HYDIN: variants seen among roughly 807,000 people sequenced by gnomAD.
HYDIN encodes HYDIN axonemal central pair apparatus protein.
In HYDIN, 132 loss-of-function variants were observed where a neutral mutation model predicts 403.9. That is an observed-to-expected ratio of 0.33 (90% CI 0.28 to 0.38). The LOEUF (loss-of-function observed/expected upper bound fraction) is 0.38, where lower values mean the gene tolerates loss of function less well. Among genes scored for constraint, HYDIN ranks in the 10% least tolerant of loss-of-function variants. The pLI, the probability that HYDIN is intolerant of heterozygous loss-of-function variation, is 1.00. For missense variants in HYDIN, 2,827 were observed against 5,009.5 expected, an observed-to-expected ratio of 0.56 and a Z score of 13.15; for synonymous variants, 1,202 against 1,891.7, an observed-to-expected ratio of 0.64 and a Z score of 9.46.
rs1424074297 is a variant in HYDIN at position 70,809,930 on chromosome 16, C to T, written c.14736G>A (p.Leu4912=). 1 of 1,614,032 alleles carries T rather than the reference C, an allele frequency of 6.2e-7. No individual in the cohort carries two copies. The highest frequency in any genetic ancestry group is 1.3e-5 in the African/African-American group (1 of 74,906). ...FGRLTLHNTD[L]GYYQYELYLK... ...GATAGAGCTCATATTGGTAGTAACC[C>T]AAGTCAGTGTTGTGCAAAGTTAGTC... The change falls in exon 85 of 86, where the codon TTG becomes TTA. Residue 4912 remains leucine, a synonymous_variant. Coordinates refer to ENST00000393567, the MANE Select transcript of HYDIN (RefSeq NM_001270974.2).
At chr16:71,011,287 C>T (rs1157657952) in intron 23 of HYDIN, among the ~76,000 whole-genome samples, 2 of 152,258 alleles carry the variant, frequency 1.3e-5, no homozygotes, top group East Asian at 3.9e-4. Flanking sequence ...TACCATTTTA[C>T]AGGTAAGTCA....
rs2079388606 is a variant in HYDIN, at chr16:70,992,448, G to A, written c.3645-238C>T. Among the ~76,000 whole-genome samples the A allele has an allele frequency of 2.1e-5, 3 of 141,460 alleles. No individual in the cohort carries two copies. In the South Asian group the frequency reaches 7.2e-4, roughly 34 times the overall value. The allele number at this position is 141,460 out of a possible 152,430, so 92.8% of individuals were successfully genotyped here. Reference sequence around the variant, plus strand: ...TAGGCCCAACTTCTTTCCTCTGAGTGTCCATAGCCCCCTGGGCTTCCCCTT... The same window carrying A: ...TAGGCCCAACTTCTTTCCTCTGAGTATCCATAGCCCCCTGGGCTTCCCCTT... On this transcript the variant is annotated intron_variant, in intron 23 of 85. Coordinates refer to ENST00000393567, the MANE Select transcript of HYDIN (RefSeq NM_001270974.2).
At chr16:71,070,871 C>T (rs2082446324) in intron 13 of HYDIN, among the ~76,000 whole-genome samples, 1 of 139,400 alleles carries the variant, frequency 7.2e-6, no homozygotes, top group African/African-American at 2.8e-5. Context: ...TTTGTCTACA[C>T]ATTAGGCCAT....
At chr16:70,999,160 G>A (rs1218015434) in intron 23 of HYDIN, among the ~76,000 whole-genome samples, 1 of 152,176 alleles carries the variant, frequency 6.6e-6, no homozygotes, top group Non-Finnish European at 1.5e-5. Context: ...CTAGAACAGT[G>A]GTTCTCAGTG....
In HYDIN at chr16:70,849,837, C is replaced by T. The variant is rs1350381999; in HGVS notation, c.12762G>A (p.Leu4254=). The T allele has an allele frequency of 3.7e-6, 3 of 802,886 alleles. No homozygotes were observed. The highest frequency in any genetic ancestry group is 2.7e-5 in the East Asian group (1 of 37,458). 49.7% of individuals were successfully genotyped at this position (802,886 alleles called of 1,614,324 possible). A position where few individuals can be genotyped will look rare whatever the true frequency, so the allele number is the denominator to read the frequency against. Residue 4254 remains leucine (L), a synonymous_variant, in exon 75 of 86, where the codon TTG becomes TTA. Transcript: ENST00000393567. ...LCGSKTLLQY[L]EFSPIDSTVD... The stretch of plus-strand genomic sequence containing the variant: ...CAGTGCTGTCGATGGGTGAAAATTC[C>T]AAGTACTGCAGCAAGGTTTTGGAGC...
chr16:70,817,624 C>G (rs1207663754), intron 84 of HYDIN: 2 of 152,300 alleles, frequency 1.3e-5, no homozygotes, highest in African/African-American at 4.8e-5. Context: ...CCATGCACTC[C>G]TAACCACTGT....
At chr16:70,838,537 G>T (rs1044254474) in intron 76 of HYDIN, among the ~76,000 whole-genome samples, 3 of 152,164 alleles carry the variant, frequency 2.0e-5, no homozygotes, top group African/African-American at 7.2e-5. Context: ...CGAGGGTTTT[G>T]TACCCTCTCA....
Position 70,933,097 on chromosome 16 carries a change from A to G in HYDIN, c.7158+2855T>C, listed in dbSNP as rs566843572. Among the ~76,000 whole-genome samples the G allele has an allele frequency of 8.4e-4, 128 of 151,880 alleles. 1 individual carries two copies. Among genetic ancestry groups the G allele is most frequent in the African/African-American group, 2.9e-3 (119 of 41,420 alleles). On this transcript the variant is annotated intron_variant, in intron 45 of 85. Coordinates refer to ENST00000393567, the MANE Select transcript of HYDIN (RefSeq NM_001270974.2). ...TCCCCATCCTGTTTCCAGAACCAGA[A>G]AACCAGGGGGTGTGATGATGGAATT...
intron 40 of HYDIN, among the ~76,000 whole-genome samples, chr16:70,952,923 T>C (rs1288936820): frequency 1.3e-5 from 2 of 151,744 alleles, no homozygotes; most frequent in Non-Finnish European, 2.9e-5. Context: ...AGGGTTCCCA[T>C]GGGTGCTGTA....
chr16:70,807,072 G>A lies in HYDIN; in HGVS notation c.*508C>T, dbSNP rs937942210. Among the ~76,000 whole-genome samples the A allele has an allele frequency of 2.6e-5, 4 of 152,156 alleles. No individual in the cohort carries two copies. The highest frequency in any genetic ancestry group is 9.7e-5 in the African/African-American group (4 of 41,428). On this transcript the variant is annotated 3_prime_UTR_variant, in exon 86 of 86. Transcript: ENST00000393567. ...GAGAAAAAGTGATGGGAGTGTCCCT[G>A]GATTGCCCTAATGTTATCTGCTCAT...
chr16:71,202,913 T>C (rs1219516185), intron 1 of HYDIN, among the ~76,000 whole-genome samples: 8 of 152,192 alleles, frequency 5.3e-5, no homozygotes, highest in Non-Finnish European at 1.0e-4. Flanking sequence ...TAGCCAATCA[T>C]AGTATCCTAT....
Position 70,947,438 on chromosome 16 carries a change from T to C in HYDIN, c.6532-3489A>G, listed in dbSNP as rs2077908522. Among the ~76,000 whole-genome samples, 3 of 151,998 alleles carry C rather than the reference T, an allele frequency of 2.0e-5. No individual in the cohort carries two copies. The South Asian group carries it at 6.2e-4, about 32-fold the overall frequency. Reference sequence around the variant, plus strand: ...TTTCTGATGTGCTGCTGGATTCGGTTTGCCAGTATTTTATTGAGGATTTTT... The same window carrying C: ...TTTCTGATGTGCTGCTGGATTCGGTCTGCCAGTATTTTATTGAGGATTTTT... On this transcript the variant is annotated intron_variant, in intron 41 of 85. Coordinates refer to ENST00000393567, the MANE Select transcript of HYDIN (RefSeq NM_001270974.2).
chr16:70,985,554 T>A (rs1211434392), intron 27 of HYDIN, among the ~76,000 whole-genome samples: 1 of 152,258 alleles, frequency 6.6e-6, no homozygotes, highest in Admixed American at 6.5e-5. Context: ...GGCTGAGCAT[T>A]TCACCTTCCT....
At chr16:71,200,848 G>A (rs1370033910) in intron 1 of HYDIN, among the ~76,000 whole-genome samples, 1 of 152,130 alleles carries the variant, frequency 6.6e-6, no homozygotes, top group East Asian at 1.9e-4. Context: ...ACACCCTGGG[G>A]AAAGGCAAAG....
intron 57 of HYDIN, among the ~76,000 whole-genome samples, chr16:70,891,088 G>A (rs2041436267): frequency 6.6e-6 from 1 of 151,962 alleles, no homozygotes; most frequent in Non-Finnish European, 1.5e-5. Flanking sequence ...TAAAATTTAT[G>A]ATATATTCTA....
chr16:71,054,572 A>G (rs1375625405), intron 18 of HYDIN, among the ~76,000 whole-genome samples: 4 of 152,240 alleles, frequency 2.6e-5, no homozygotes, highest in Admixed American at 2.0e-4. Flanking sequence ...GATGCAGTGT[A>G]CAAGGCATAG....
At chr16:70,981,644 C>A in intron 28 of HYDIN, 76 bp from the exon 29 acceptor site, 4 of 1,444,852 alleles carry the variant, frequency 2.8e-6, no homozygotes, top group South Asian at 1.8e-5. Context: ...TTACTTAAAA[C>A]AACAACAACA....
Position 70,964,803 on chromosome 16 carries a change from A to T in HYDIN, c.5713T>A (p.Tyr1905Asn). 2 of 1,577,004 alleles carry T rather than the reference A, an allele frequency of 1.3e-6. No homozygotes were observed. The highest frequency in any genetic ancestry group is 1.7e-4 in the Middle Eastern group (1 of 5,986). The change falls in exon 37 of 86, where the codon TAC (tyrosine) becomes AAC (asparagine). Residue 1905 changes from tyrosine to asparagine, a missense_variant. Coordinates refer to ENST00000393567, the MANE Select transcript of HYDIN (RefSeq NM_001270974.2). Reference sequence around the variant, plus strand: ...TTTGACTTCTTTATCTCTTTGAAGTACTCGTACAGTTCTGGGGGCAGCTTC... The same window carrying T: ...TTTGACTTCTTTATCTCTTTGAAGTTCTCGTACAGTTCTGGGGGCAGCTTC... ...GEKLPPELYE[Y>N]FKEIKKSKEE... is the part of the protein sequence containing the mutation.
At chr16:70,948,595 T>C (rs1485503506) in intron 41 of HYDIN, among the ~76,000 whole-genome samples, 3 of 151,758 alleles carry the variant, frequency 2.0e-5, no homozygotes, top group African/African-American at 7.3e-5. Context: ...TATAATGAAC[T>C]CAAACAAATT....
Sources: allele counts gnomAD v4.1 joint callset (sites outside exome capture counted in the v4.1 genomes callset), GRCh38; gene constraint gnomAD v4.1.1; transcripts MANE v1.5; gene names NCBI Gene and HGNC (gene_info 2026-07-23, HGNC 2026-07-21).